The following RSAD2 variants were observed in gnomAD, a reference collection of about 807,000 sequenced individuals.
RSAD2 encodes radical S-adenosyl methionine domain containing 2.
In RSAD2, 38 loss-of-function variants were observed where a neutral mutation model predicts 37.7. The ratio of observed to expected loss-of-function variants is 1.01; its 90% CI spans 0.78 to 1.32. The LOEUF (loss-of-function observed/expected upper bound fraction) is 1.32, where lower values mean the gene tolerates loss of function less well. Ranked by LOEUF, RSAD2 falls within the 40% of genes most tolerant of loss-of-function variation. The pLI, the probability that RSAD2 is intolerant of heterozygous loss-of-function variation, is 0.00. For synonymous variants in RSAD2, 163 were observed against 157.4 expected, an observed-to-expected ratio of 1.04 and a Z score of -0.27; for missense variants, 428 against 437.5, an observed-to-expected ratio of 0.98 and a Z score of 0.19.
rs186149623 is a variant in RSAD2, at chr2:6,878,108, A to G, written c.308A>G (p.Glu103Gly). The change falls in exon 1 of 6, where the codon GAG becomes GGG. Residue 103 changes from glutamate (E) to glycine (G), a missense_variant. By Grantham distance (98) the Glu-to-Gly change is moderately conservative. Transcript: ENST00000382040. ...AAAACATCCTTTGTGCTGCCCCTTG[A>G]GGAAGCAAAGAGAGGATTGCTTTTG... is the stretch of plus-strand genomic sequence containing the variant. Reference protein sequence around the residue: ...TAKTSFVLPLEEAKRGLLLLK... With the variant: ...TAKTSFVLPLGEAKRGLLLLK... The G allele has an allele frequency of 2.8e-5, 45 of 1,614,148 alleles. No individual in the cohort carries two copies. In the Admixed American group the frequency reaches 5.3e-4, roughly 19 times the overall value.
chr2:6,866,860 G>T (rs1226710938), intron 1 of RSAD2, among the ~76,000 whole-genome samples: 1 of 151,216 alleles, frequency 6.6e-6, no homozygotes, highest in Non-Finnish European at 1.5e-5. Flanking sequence ...ACTTAAACTT[G>T]GGATTATATT....
At chr2:6,884,622 C>T (rs1418517530) in intron 2 of RSAD2, among the ~76,000 whole-genome samples, 2 of 152,260 alleles carry the variant, frequency 1.3e-5, no homozygotes, top group Admixed American at 1.3e-4. Flanking sequence ...ACTGCATGTC[C>T]AGGTCAAATC....
intron 2 of RSAD2, among the ~76,000 whole-genome samples, chr2:6,885,054 A>G (rs905320724): frequency 3.3e-5 from 5 of 152,120 alleles, no homozygotes; most frequent in African/African-American, 9.7e-5. Context: ...CAAGTTTGGT[A>G]ATTTGCTAGA....
At chr2:6,878,590 AG>A (rs1236235039) in intron 1 of RSAD2, among the ~76,000 whole-genome samples, 5 of 152,370 alleles carry the variant, frequency 3.3e-5, no homozygotes, top group African/African-American at 1.2e-4. Flanking sequence ...ACATAAAAAT[AG>A]CAGTAGTTGA....
intron 1 of RSAD2, among the ~76,000 whole-genome samples, chr2:6,869,067 A>G (rs1033856077): frequency 1.3e-5 from 2 of 152,208 alleles, no homozygotes; most frequent in Non-Finnish European, 2.9e-5. Flanking sequence ...AGCCCTTCAT[A>G]TAATGGCAGA....
rs371534035 is a variant in RSAD2 at position 6,883,550 on chromosome 2, G to A, written c.508+18G>A. On this transcript the variant is annotated intron_variant, in intron 2 of 5. Transcript: ENST00000382040. Reference sequence around the variant, plus strand: ...GAATTATGGTGTGCTCCATGGGATGGCATTCTTCTTATTGCTATTGCTATT... The same window carrying A: ...GAATTATGGTGTGCTCCATGGGATGACATTCTTCTTATTGCTATTGCTATT... The A allele has an allele frequency of 2.2e-4, 355 of 1,612,506 alleles. 1 individual carries two copies. In the African/African-American group the frequency reaches 4.1e-3, roughly 18 times the overall value.
intron 4 of RSAD2, among the ~76,000 whole-genome samples, chr2:6,893,163 C>A (rs1430491617): frequency 6.6e-6 from 1 of 152,152 alleles, no homozygotes; most frequent in Non-Finnish European, 1.5e-5. Flanking sequence ...ATCAACAGTG[C>A]AGGTACAGCT....
At chr2:6,890,111 G>A (rs563834647) in intron 3 of RSAD2, 65 bp from the exon 4 acceptor site, 1 of 1,524,560 alleles carries the variant, frequency 6.6e-7, no homozygotes, top group South Asian at 1.2e-5. Flanking sequence ...AAAAGGGGGA[G>A]TGAGGTTTGG....
chr2:6,866,308 C>A (rs1179079582), intron 1 of RSAD2: 2 of 471,976 alleles, frequency 4.2e-6, no homozygotes, highest in East Asian at 1.5e-4. Flanking sequence ...CCCCTCTAAT[C>A]CTGCAGAGCT....
intron 1 of RSAD2, chr2:6,878,835 G>T (rs553018181): frequency 8.2e-7 from 1 of 1,217,956 alleles, no homozygotes; most frequent in Non-Finnish European, 1.1e-6. Flanking sequence ...TTCTCAACTA[G>T]TAACTTCAGC....
intron 5 of RSAD2, among the ~76,000 whole-genome samples, chr2:6,895,098 T>G (rs1164192761): frequency 6.6e-6 from 1 of 152,066 alleles, no homozygotes; most frequent in Admixed American, 6.6e-5. Flanking sequence ...TGTGAAGAAA[T>G]CGTTTCTGCC....
intron 1 of RSAD2, among the ~76,000 whole-genome samples, chr2:6,879,362 C>T (rs983946933): frequency 5.3e-5 from 8 of 152,200 alleles, no homozygotes; most frequent in African/African-American, 1.2e-4. Flanking sequence ...TTATGAGCAT[C>T]GTTGTCAAGG....
chr2:6,890,077 T>G (rs1257792370), intron 3 of RSAD2, 99 bp from the exon 4 acceptor site: 1 of 1,168,024 alleles, frequency 8.6e-7, no homozygotes, highest in Non-Finnish European at 1.2e-6. Context: ...GTAGAGTCTC[T>G]TTGCTCAGAA....
At chr2:6,869,119 A>G (rs1458200633) in intron 1 of RSAD2, among the ~76,000 whole-genome samples, 1 of 152,166 alleles carries the variant, frequency 6.6e-6, no homozygotes, top group Non-Finnish European at 1.5e-5. Context: ...GTGGTTTCAA[A>G]CACGTCCTGG....
chr2:6,881,937 A>T (rs1663413840), intron 1 of RSAD2, among the ~76,000 whole-genome samples: 1 of 151,866 alleles, frequency 6.6e-6, no homozygotes, highest in Non-Finnish European at 1.5e-5. Flanking sequence ...AAATGCAGGC[A>T]GGTGGGTGTG....
chr2:6,890,841 A>T (rs547036692), intron 4 of RSAD2, among the ~76,000 whole-genome samples: 1 of 152,176 alleles, frequency 6.6e-6, no homozygotes, highest in African/African-American at 2.4e-5. Flanking sequence ...CACAAATTTC[A>T]TACACCGATA....
At chr2:6,883,741 C>A in intron 2 of RSAD2, 1 of 578,974 alleles carries the variant, frequency 1.7e-6, no homozygotes, top group Middle Eastern at 4.6e-4. Flanking sequence ...ACAAGTTTGG[C>A]AAGTTAGATA....
intron 1 of RSAD2, chr2:6,878,820 G>A (rs1237164405): frequency 8.3e-7 from 1 of 1,206,864 alleles, no homozygotes. Flanking sequence ...CTTTCCTAGA[G>A]TACCTTCTCA....
At chr2:6,865,918 C>A (rs1479455867) in exon 1 of RSAD2, 2 of 1,401,514 alleles carry the variant, frequency 1.4e-6, no homozygotes, top group East Asian at 3.5e-5. Flanking sequence ...GCGCGATAAA[C>A]GGCCGGCGCT....
Sources: gnomAD v4.1 joint callset for allele counts (sites outside exome capture counted in the v4.1 genomes callset) on GRCh38, gnomAD v4.1.1 for gene constraint, MANE v1.5 for transcripts, NCBI Gene and HGNC (gene_info 2026-07-23, HGNC 2026-07-21) for gene names.